The following PTPRD variants were observed in gnomAD, a reference collection of about 807,000 sequenced individuals.
PTPRD encodes receptor-type tyrosine-protein phosphatase delta.
PTPRD carries 34 observed loss-of-function variants against 214.5 expected under a neutral mutation model. That is an observed-to-expected ratio of 0.16 (90% CI 0.12 to 0.21). The LOEUF (loss-of-function observed/expected upper bound fraction) is 0.21, where lower values mean the gene tolerates loss of function less well. PTPRD is among the 10% of genes least tolerant of loss of function. The pLI is 1.00. For missense variants in PTPRD, 2,545 were observed against 2,398.7 expected (o/e 1.06, Z -1.27); for synonymous variants, 1,128 against 845.7 (o/e 1.33, Z -5.79).
At chr9:8,349,072 T>C (rs1338577005) in intron 39 of PTPRD, among the ~76,000 whole-genome samples, 1 of 151,984 alleles carries the variant, frequency 6.6e-6, no homozygotes, top group Non-Finnish European at 1.5e-5. Flanking sequence ...TAAAAAACTT[T>C]AAAAATAGGA....
chr9:10,488,465 C>G (rs1316631443), intron 2 of PTPRD, among the ~76,000 whole-genome samples: 1 of 151,938 alleles, frequency 6.6e-6, no homozygotes, highest in Non-Finnish European at 1.5e-5. Flanking sequence ...CTGACTATGG[C>G]CTGTGTTTGT....
Position 8,557,761 on chromosome 9 carries a change from A to C in PTPRD, c.353-28982T>G, listed in dbSNP as rs59078118. 8.6e-4 allele frequency among the ~76,000 whole-genome samples: 109 copies of C among 127,264 alleles called. 1 individual carries two copies. Among genetic ancestry groups the C allele is most frequent in the African/African-American group, 4.5e-3 (105 of 23,252 alleles). 83.5% of individuals were successfully genotyped at this position (127,264 alleles called of 152,430 possible). ...GTCTCTCAATAAAAAAAAAAAAAAA[A>C]AAAAAAGAAAAACAAAATACACACA... On this transcript the variant is annotated intron_variant, in intron 14 of 45. Coordinates refer to ENST00000381196, the MANE Select transcript of PTPRD (RefSeq NM_002839.4).
chr9:9,795,011 G>A (rs1402138964), intron 5 of PTPRD, among the ~76,000 whole-genome samples: 1 of 152,190 alleles, frequency 6.6e-6, no homozygotes, highest in Non-Finnish European at 1.5e-5. Flanking sequence ...AAAACCAACA[G>A]CTTGAGCTTC....
chr9:8,786,449 G>A (rs1470526630), intron 11 of PTPRD, among the ~76,000 whole-genome samples: 9 of 118,020 alleles, frequency 7.6e-5, no homozygotes, highest in Admixed American at 3.6e-4. Flanking sequence ...TCGCTCTGTC[G>A]CCCAGCTTGG....
At chr9:9,071,416 C>CA (rs1222366378) in intron 10 of PTPRD, among the ~76,000 whole-genome samples, 1 of 152,110 alleles carries the variant, frequency 6.6e-6, no homozygotes, top group East Asian at 1.9e-4. Context: ...AAAGCCCTTA[C>CA]AAAAAGAACT....
At chr9:10,441,310 C>G (rs1176758664) in intron 2 of PTPRD, among the ~76,000 whole-genome samples, 1 of 151,718 alleles carries the variant, frequency 6.6e-6, no homozygotes, top group East Asian at 1.9e-4. Flanking sequence ...TTTACAAGTA[C>G]TAAGAGACCA....
chr9:10,588,126 G>A (rs1256250722), intron 2 of PTPRD, among the ~76,000 whole-genome samples: 2 of 152,004 alleles, frequency 1.3e-5, no homozygotes, highest in African/African-American at 2.4e-5. Flanking sequence ...ACAAATAGGA[G>A]TCCCATAATA....
chr9:8,369,410 T>G (rs1178499058), intron 39 of PTPRD, among the ~76,000 whole-genome samples: 1 of 151,834 alleles, frequency 6.6e-6, no homozygotes, highest in Non-Finnish European at 1.5e-5. Flanking sequence ...AGTCAAAAAG[T>G]ATTATGAAGA....
intron 3 of PTPRD, among the ~76,000 whole-genome samples, chr9:10,326,582 G>C (rs980185722): frequency 6.6e-6 from 1 of 151,300 alleles, no homozygotes; most frequent in Non-Finnish European, 1.5e-5. Context: ...CTTTCAAATT[G>C]CTTCACATTT....
At chr9:8,947,791 A>T (rs2099075095) in intron 11 of PTPRD, among the ~76,000 whole-genome samples, 1 of 152,148 alleles carries the variant, frequency 6.6e-6, no homozygotes, top group African/African-American at 2.4e-5. Flanking sequence ...CTGTGACAGG[A>T]TACAACAGAC....
At chr9:8,490,121 T>A (rs1037368295) in intron 27 of PTPRD, among the ~76,000 whole-genome samples, 1 of 152,114 alleles carries the variant, frequency 6.6e-6, no homozygotes, top group Non-Finnish European at 1.5e-5. Flanking sequence ...GTTGGTAAGA[T>A]GAAAGGGTCT....
intron 11 of PTPRD, among the ~76,000 whole-genome samples, chr9:8,943,680 T>C (rs1385040470): frequency 6.6e-6 from 1 of 151,074 alleles, no homozygotes; most frequent in Non-Finnish European, 1.5e-5. Context: ...GAATAAATGG[T>C]TCTGGGAAAA....
Position 9,775,351 on chromosome 9 carries a change from G to A in PTPRD, c.-367-8500C>T, listed in dbSNP as rs148535823. On this transcript the variant is annotated intron_variant, in intron 5 of 45. Transcript: ENST00000381196. ...AATTTTAATCTACGGGTTTTAAGAA[G>A]GAGGAGATCAGGGTCCTAAATTCTT... Among the ~76,000 whole-genome samples, 542 of 152,250 alleles carry A rather than the reference G, an allele frequency of 3.6e-3. 4 individuals carry two copies. The highest frequency in any genetic ancestry group is 9.9e-3 in the African/African-American group (413 of 41,532).
At chr9:9,052,080 G>T (rs1391391249) in intron 10 of PTPRD, among the ~76,000 whole-genome samples, 1 of 152,178 alleles carries the variant, frequency 6.6e-6, no homozygotes, top group African/African-American at 2.4e-5. Flanking sequence ...TTAAGATCAA[G>T]GAGCCACACA....
intron 30 of PTPRD, among the ~76,000 whole-genome samples, chr9:8,483,515 G>C (rs2135716516): frequency 1.3e-5 from 2 of 152,280 alleles, no homozygotes; most frequent in South Asian, 4.1e-4. Context: ...CACTTTGGGA[G>C]GCTGAGGTAG....
chr9:8,417,183 G>A (rs2094000913), intron 35 of PTPRD, among the ~76,000 whole-genome samples: 1 of 151,968 alleles, frequency 6.6e-6, no homozygotes, highest in African/African-American at 2.4e-5. Flanking sequence ...ATAATATATC[G>A]TTAGATTCTA....
chr9:9,357,760 T>A (rs576597171), intron 9 of PTPRD, among the ~76,000 whole-genome samples: 6 of 151,274 alleles, frequency 4.0e-5, no homozygotes, highest in Admixed American at 1.3e-4. Flanking sequence ...TGCAGACTAT[T>A]TTAGGTTGAC....
chr9:9,862,329 T>C (rs1305081974), intron 5 of PTPRD, among the ~76,000 whole-genome samples: 2 of 152,162 alleles, frequency 1.3e-5, no homozygotes, highest in African/African-American at 2.4e-5. Context: ...AAACACAAAT[T>C]AGGTTAATGA....
intron 2 of PTPRD, among the ~76,000 whole-genome samples, chr9:10,508,597 C>A (rs1250562137): frequency 5.9e-5 from 9 of 152,120 alleles, no homozygotes; most frequent in Admixed American, 5.9e-4. Flanking sequence ...ACATATACAC[C>A]ATGGATACTA....
Sources: gnomAD v4.1 joint callset for allele counts (sites outside exome capture counted in the v4.1 genomes callset) on GRCh38, gnomAD v4.1.1 for gene constraint, MANE v1.5 for transcripts, NCBI Gene and HGNC (gene_info 2026-07-23, HGNC 2026-07-21) for gene names.